ELAVL4: variants seen among roughly 807,000 people sequenced by gnomAD.
ELAVL4 encodes the protein ELAV like RNA binding protein 4.
Under a neutral mutation model 35.6 loss-of-function variants are expected in ELAVL4, and 1 was observed. The observed-to-expected ratio is 0.03, with a 90% CI of 0.01 to 0.13. The LOEUF (loss-of-function observed/expected upper bound fraction) is 0.13, where lower values mean the gene tolerates loss of function less well. Among genes scored for constraint, ELAVL4 ranks in the 10% least tolerant of loss-of-function variants. The pLI is 1.00. For synonymous variants in ELAVL4, 156 were observed against 171.0 expected, an observed-to-expected ratio of 0.91 and a Z score of 0.69; for missense variants, 267 against 464.9, an observed-to-expected ratio of 0.57 and a Z score of 3.91.
chr1:50,160,064 A>G (rs1258665628), intron 2 of ELAVL4, among the ~76,000 whole-genome samples: 1 of 152,160 alleles, frequency 6.6e-6, no homozygotes, highest in Non-Finnish European at 1.5e-5. Context: ...CCGTGGGTTC[A>G]TTTGGTGTCC....
chr1:50,123,491 T>TA, intron 1 of ELAVL4, among the ~76,000 whole-genome samples: 1 of 149,646 alleles, frequency 6.7e-6, no homozygotes, highest in East Asian at 2.0e-4. Context: ...AGCCTAAAAA[T>TA]AATGTATTTT....
At chr1:50,131,344 C>G (rs1670820354) in intron 1 of ELAVL4, among the ~76,000 whole-genome samples, 1 of 151,738 alleles carries the variant, frequency 6.6e-6, no homozygotes, top group Non-Finnish European at 1.5e-5. Context: ...GACTTTTGCC[C>G]AATTAGTGAG....
intron 1 of ELAVL4, among the ~76,000 whole-genome samples, chr1:50,079,332 GATC>G (rs1664907942): frequency 6.6e-6 from 1 of 152,158 alleles, no homozygotes; most frequent in African/African-American, 2.4e-5. Context: ...GCGTTCTTGG[GATC>G]ATCACAGGGG....
intron 2 of ELAVL4, among the ~76,000 whole-genome samples, chr1:50,155,699 A>C (rs563900773): frequency 1.3e-5 from 2 of 152,224 alleles, no homozygotes; most frequent in East Asian, 3.9e-4. Flanking sequence ...TCAGACCCCA[A>C]GGCTGGACAT....
chr1:50,085,378 C>T (rs1332596415), intron 1 of ELAVL4, among the ~76,000 whole-genome samples: 1 of 152,178 alleles, frequency 6.6e-6, no homozygotes, highest in Non-Finnish European at 1.5e-5. Flanking sequence ...ATGGCGTACA[C>T]CTATAATCAC....
chr1:50,178,522 C>T (rs1248106896), intron 3 of ELAVL4, among the ~76,000 whole-genome samples: 2 of 152,116 alleles, frequency 1.3e-5, no homozygotes, highest in East Asian at 3.9e-4. Flanking sequence ...AAGATGATTG[C>T]TTTCCCTGAT....
intron 1 of ELAVL4, among the ~76,000 whole-genome samples, chr1:50,114,671 C>T (rs532170372): frequency 6.6e-6 from 1 of 152,190 alleles, no homozygotes; most frequent in African/African-American, 2.4e-5. Context: ...TTCTCTGAAC[C>T]TTGACTTTGC....
At chr1:50,069,652 A>G (rs187693067) in intron 1 of ELAVL4, among the ~76,000 whole-genome samples, 1 of 152,308 alleles carries the variant, frequency 6.6e-6, no homozygotes, top group East Asian at 1.9e-4. Context: ...ACCATCCTTG[A>G]ATCAACGTCT....
upstream of ELAVL4, among the ~76,000 whole-genome samples, chr1:50,107,876 G>A (rs144677135): frequency 5.9e-4 from 90 of 152,148 alleles, no homozygotes; most frequent in East Asian, 4.4e-3. Flanking sequence ...GTGTAAATAG[G>A]CAGACAAACT....
intron 3 of ELAVL4, among the ~76,000 whole-genome samples, chr1:50,183,401 A>T (rs923742572): frequency 2.0e-5 from 3 of 152,068 alleles, no homozygotes; most frequent in African/African-American, 7.2e-5. Context: ...CCGGTGAGAG[A>T]ATAAGAAAGA....
At chr1:50,188,846 G>C (rs1682232885) in intron 3 of ELAVL4, among the ~76,000 whole-genome samples, 2 of 152,184 alleles carry the variant, frequency 1.3e-5, no homozygotes, top group African/African-American at 2.4e-5. Flanking sequence ...CAATAGGCCT[G>C]GTCTGTTGCT....
rs1572650207 is a variant in ELAVL4 at position 50,201,628 on chromosome 1, G to C, written c.*450G>C. 1 of 151,348 alleles carries C rather than the reference G, an allele frequency of 6.6e-6. No homozygotes were observed. The highest frequency in any genetic ancestry group is 6.6e-5 in the Admixed American group (1 of 15,216). 9.4% of individuals were successfully genotyped at this position (151,348 alleles called of 1,614,324 possible). A position where few individuals can be genotyped will look rare whatever the true frequency, so the allele number is the denominator to read the frequency against. On this transcript the variant is annotated 3_prime_UTR_variant, in exon 7 of 7. Transcript: ENST00000371824. This position sits in a 1 kb window ranked among gnomAD's most constrained non-coding sequence, Gnocchi z 4.3. Reference sequence around the variant, plus strand: ...TTTTTACAAAGTAATGGGATTCAAAGAAAGGAAAAAAAGATTTTTCTTTTT... The same window carrying C: ...TTTTTACAAAGTAATGGGATTCAAACAAAGGAAAAAAAGATTTTTCTTTTT...
At chr1:50,133,272 G>A (rs1383882594) in intron 1 of ELAVL4, among the ~76,000 whole-genome samples, 1 of 152,150 alleles carries the variant, frequency 6.6e-6, no homozygotes, top group Admixed American at 6.6e-5. Context: ...CCATAATTAT[G>A]AGAAAGACTA....
intron 1 of ELAVL4, among the ~76,000 whole-genome samples, chr1:50,111,816 G>T (rs555600219): frequency 2.0e-4 from 30 of 152,210 alleles, no homozygotes; most frequent in African/African-American, 7.2e-4. Context: ...TTTACTAATA[G>T]TCTCTTTTTC....
At chr1:50,048,732 T>A (rs1663203296) in intron 1 of ELAVL4, among the ~76,000 whole-genome samples, 1 of 152,162 alleles carries the variant, frequency 6.6e-6, no homozygotes, top group African/African-American at 2.4e-5. Flanking sequence ...ATCTTTCCTC[T>A]ATTACACCCC....
At position 50,200,883 on chromosome 1, in the gene ELAVL4, G is replaced by A. The variant is rs1236212349; in HGVS notation, c.806G>A (p.Ser269Asn). ...FSPITIDGMT[S>N]LVGMNIPGHT... ...CCAATTACCATTGATGGAATGACAA[G>A]CCTTGTGGGAATGAACATCCCTGGT... The change falls in exon 7 of 7, where the codon AGC becomes AAC. Residue 269 changes from serine (S) to asparagine (N), a missense_variant. Around this residue, in one of 2 missense-constraint regions of ELAVL4, gnomAD observed 216 missense variants for 409.5 expected, o/e 0.53. Transcript: ENST00000371824. 6.2e-7 allele frequency: 1 copy of A among 1,613,936 alleles called. No individual in the cohort carries two copies. The highest frequency in any genetic ancestry group is 8.5e-7 in the Non-Finnish European group (1 of 1,179,970).
chr1:50,059,717 A>C (rs1663861580), intron 1 of ELAVL4, among the ~76,000 whole-genome samples: 1 of 152,006 alleles, frequency 6.6e-6, no homozygotes, highest in Admixed American at 6.5e-5. Context: ...CCAGATGTCC[A>C]TGAATGGATG....
chr1:50,056,908 G>A (rs1413506508), intron 1 of ELAVL4, among the ~76,000 whole-genome samples: 1 of 151,100 alleles, frequency 6.6e-6, no homozygotes, highest in Non-Finnish European at 1.5e-5. Context: ...CTCCAGCCTG[G>A]GTGACAGAGC....
chr1:50,194,330 C>CCTGTCCCA (rs1217532957), intron 4 of ELAVL4, among the ~76,000 whole-genome samples: 30 of 152,286 alleles, frequency 2.0e-4, no homozygotes, highest in Admixed American at 5.9e-4. Context: ...CCATTTCACA[C>CCTGTCCCA]TTGAGGAAAC....
Sources: gnomAD v4.1 joint callset for allele counts (sites outside exome capture counted in the v4.1 genomes callset) on GRCh38, gnomAD v4.1.1 for gene constraint, gnomAD v4.1.1 regional missense constraint, Gnocchi (gnomAD v3.1) non-coding constraint, MANE v1.5 for transcripts, NCBI Gene and HGNC (gene_info 2026-07-23, HGNC 2026-07-21) for gene names.